CNTN5: variants seen among roughly 807,000 people sequenced by gnomAD.
CNTN5 encodes the protein contactin-5.
In CNTN5, 77 loss-of-function variants were observed where a neutral mutation model predicts 129.1. That is an observed-to-expected ratio of 0.60 (90% confidence interval 0.50 to 0.72). CNTN5 has a LOEUF of 0.72. CNTN5 is among the 30% of genes least tolerant of loss of function. The pLI is 0.00. For missense variants in CNTN5, 1,478 were observed against 1,328.8 expected (o/e 1.11, Z -1.75); for synonymous variants, 509 against 465.6 (o/e 1.09, Z -1.20).
At chr11:99,642,009 G>A (rs903094512) in intron 3 of CNTN5, among the ~76,000 whole-genome samples, 7 of 151,996 alleles carry the variant, frequency 4.6e-5, no homozygotes, top group African/African-American at 1.7e-4. Context: ...ATGATAATTG[G>A]GCCAAAGATT....
intron 1 of CNTN5, among the ~76,000 whole-genome samples, chr11:99,244,741 C>G (rs1861732724): frequency 6.6e-6 from 1 of 152,096 alleles, no homozygotes; most frequent in African/African-American, 2.4e-5. Flanking sequence ...GCATATGAAT[C>G]TGCAAAAAGT....
intron 13 of CNTN5, among the ~76,000 whole-genome samples, chr11:100,128,186 C>T: frequency 6.6e-6 from 1 of 152,038 alleles, no homozygotes; most frequent in East Asian, 1.9e-4. Flanking sequence ...CTTTTACGTA[C>T]CCAAACCTGA....
At chr11:99,916,879 A>G (rs1049871360) in intron 7 of CNTN5, among the ~76,000 whole-genome samples, 5 of 152,176 alleles carry the variant, frequency 3.3e-5, no homozygotes, top group African/African-American at 7.2e-5. Context: ...AAAGAGCACA[A>G]GGAAGAACCA....
rs137979850 is a variant in CNTN5 at position 99,720,944 on chromosome 11, G to A, written c.56-98600G>A. On this transcript the variant is annotated intron_variant, in intron 3 of 24. Coordinates refer to ENST00000524871, the MANE Select transcript of CNTN5 (RefSeq NM_014361.4). Reference sequence around the variant, plus strand: ...AATACTTAGGTATACATCTAACCAGGGTGAAAGATCTCTACAACGAGAATT... The same window carrying A: ...AATACTTAGGTATACATCTAACCAGAGTGAAAGATCTCTACAACGAGAATT... Among the ~76,000 whole-genome samples the A allele has an allele frequency of 4.8e-3, 726 of 151,916 alleles. 8 individuals are homozygous for A. Among genetic ancestry groups the A allele is most frequent in the African/African-American group, 0.016 (655 of 41,444 alleles).
chr11:99,358,211 C>G (rs1287557348), intron 2 of CNTN5, among the ~76,000 whole-genome samples: 5 of 124,638 alleles, frequency 4.0e-5, no homozygotes, highest in Non-Finnish European at 8.4e-5. Context: ...GCCTCAGCCT[C>G]CCAAGTAGCT....
chr11:99,844,852 A>G lies in CNTN5; in HGVS notation c.278A>G (p.Glu93Gly), dbSNP rs200503793. The G allele has an allele frequency of 3.7e-6, 6 of 1,609,656 alleles. No individual in the cohort carries two copies. In the African/African-American group the frequency reaches 4.0e-5, roughly 11 times the overall value. Residue 93 changes from glutamate to glycine, a missense_variant and splice_region_variant, in exon 5 of 25, where the codon GAA becomes GGA. Glu to Gly is a moderately conservative substitution (Grantham distance 98, BLOSUM62 -2). Transcript: ENST00000524871. Reference protein sequence around the residue: ...YHSSDAFKQDESVDYGPVFVQ... With the variant: ...YHSSDAFKQDGSVDYGPVFVQ... The stretch of plus-strand genomic sequence containing the variant: ...AAATGTGTCTGTTTTGTCTTTACAG[A>G]AAGTGTGGACTATGGGCCAGTTTTT...
chr11:99,688,583 GTTT>G (rs1009470023), intron 3 of CNTN5, among the ~76,000 whole-genome samples: 2 of 151,962 alleles, frequency 1.3e-5, no homozygotes, highest in Non-Finnish European at 2.9e-5. Flanking sequence ...TTTCCACAGT[GTTT>G]TTTAACTTTT....
intron 15 of CNTN5, among the ~76,000 whole-genome samples, chr11:100,206,161 C>T (rs1428446552): frequency 6.6e-6 from 1 of 152,020 alleles, no homozygotes; most frequent in Non-Finnish European, 1.5e-5. Context: ...GCAGGGCAGA[C>T]TTCCTAAACC....
At chr11:99,563,678 T>G (rs1948914844) in intron 3 of CNTN5, among the ~76,000 whole-genome samples, 1 of 152,198 alleles carries the variant, frequency 6.6e-6, no homozygotes, top group Non-Finnish European at 1.5e-5. Context: ...TGGTGTTATT[T>G]GGCCTTACTC....
chr11:99,617,472 T>A (rs1950796905), intron 3 of CNTN5, among the ~76,000 whole-genome samples: 1 of 152,208 alleles, frequency 6.6e-6, no homozygotes, highest in South Asian at 2.1e-4. Flanking sequence ...TGACAAAGTT[T>A]CCATAAAGCT....
chr11:99,625,650 TAATA>T (rs753963910), intron 3 of CNTN5, among the ~76,000 whole-genome samples: 8 of 152,116 alleles, frequency 5.3e-5, no homozygotes, highest in Admixed American at 2.0e-4. Flanking sequence ...CAGCTATTAA[TAATA>T]AATGACTATG....
chr11:99,938,032 C>A (rs554587202), intron 7 of CNTN5, among the ~76,000 whole-genome samples: 1 of 152,116 alleles, frequency 6.6e-6, no homozygotes, highest in African/African-American at 2.4e-5. Flanking sequence ...TTGTATCATG[C>A]GAATAGGCTC....
rs201116802 is a variant in CNTN5, at chr11:100,191,192, C to T, written c.1647C>T (p.Tyr549=). The change falls in exon 14 of 25, where the codon TAC becomes TAT. Residue 549 remains tyrosine, a synonymous_variant. Transcript: ENST00000524871. ...CTTCCAAATCAGACGAGGGAAAGTA[C>T]GTTTGCCGAGGGGAAAACGTCTTTG... is the stretch of plus-strand genomic sequence containing the variant. The part of the protein sequence containing the change: ...LNASKSDEGK[Y]VCRGENVFGS... The T allele has an allele frequency of 8.7e-6, 14 of 1,611,640 alleles. No individual in the cohort carries two copies. In the South Asian group the frequency reaches 1.4e-4, roughly 16 times the overall value.
intron 6 of CNTN5, among the ~76,000 whole-genome samples, chr11:99,890,080 A>G (rs1949017927): frequency 2.6e-5 from 4 of 152,172 alleles, no homozygotes. Context: ...TTACTCATGG[A>G]CAGGAAATCA....
intron 6 of CNTN5, among the ~76,000 whole-genome samples, chr11:99,894,592 A>T (rs1949156341): frequency 6.6e-6 from 1 of 151,862 alleles, no homozygotes; most frequent in Middle Eastern, 3.2e-3. Flanking sequence ...AAACAAACAA[A>T]AAAACCATGA....
chr11:100,062,729 C>T lies in CNTN5; in HGVS notation c.1162+1336C>T, dbSNP rs546774581. 3.3e-5 allele frequency among the ~76,000 whole-genome samples: 5 copies of T among 152,240 alleles called. No homozygotes were observed. The East Asian group carries it at 5.8e-4, about 18-fold the overall frequency. The stretch of plus-strand genomic sequence containing the variant: ...AGCATCTGGAAGAAAAGGACATAGA[C>T]ATTTAAATGTTTCTAAGATTGAAAT... On this transcript the variant is annotated intron_variant, in intron 10 of 24. Transcript: ENST00000524871.
At chr11:100,310,166 C>A (rs1951443482) in intron 21 of CNTN5, among the ~76,000 whole-genome samples, 1 of 152,030 alleles carries the variant, frequency 6.6e-6, no homozygotes, top group South Asian at 2.1e-4. Flanking sequence ...AAAAGAACTA[C>A]ATTAGTGTGA....
At chr11:99,714,206 C>T (rs541355337) in intron 3 of CNTN5, among the ~76,000 whole-genome samples, 2 of 151,924 alleles carry the variant, frequency 1.3e-5, no homozygotes, top group Admixed American at 6.6e-5. Flanking sequence ...ATTTATAGAA[C>T]CCTTGGTATC....
rs200218877 is a variant in CNTN5, at chr11:99,193,024, T to C, written c.-209-132322T>C. ...ATAATCTCATTATGAAGGTTCAAGATCTATTCAAAGCTAAGTAGAGCTTCT... is the reference window on the plus strand; with the variant it reads ...ATAATCTCATTATGAAGGTTCAAGACCTATTCAAAGCTAAGTAGAGCTTCT... On this transcript the variant is annotated intron_variant, in intron 1 of 24. Transcript: ENST00000524871. Among the ~76,000 whole-genome samples, 7 of 152,254 alleles carry C rather than the reference T, an allele frequency of 4.6e-5. No individual in the cohort carries two copies. The East Asian group carries it at 1.3e-3, about 29-fold the overall frequency.
Sources: gnomAD v4.1 joint callset for allele counts (sites outside exome capture counted in the v4.1 genomes callset) on GRCh38, gnomAD v4.1.1 for gene constraint, MANE v1.5 for transcripts, NCBI Gene and HGNC (gene_info 2026-07-23, HGNC 2026-07-21) for gene names.